TMEM132D: variants seen among roughly 807,000 people sequenced by gnomAD.
TMEM132D encodes the protein mature OL transmembrane protein.
Under a neutral mutation model 62.3 loss-of-function variants are expected in TMEM132D, and 21 were observed. The observed-to-expected ratio is 0.34, with a 90% CI of 0.24 to 0.49. TMEM132D has a LOEUF of 0.49. Ranked by LOEUF, TMEM132D falls within the 20% of genes least tolerant of loss-of-function variation. TMEM132D has a pLI of 0.99. For missense variants in TMEM132D, 1,346 were observed against 1,402.8 expected (o/e 0.96, Z 0.65); for synonymous variants, 621 against 575.6 (o/e 1.08, Z -1.13).
At chr12:129,156,830 T>C (rs1207562740) in intron 5 of TMEM132D, among the ~76,000 whole-genome samples, 1 of 152,076 alleles carries the variant, frequency 6.6e-6, no homozygotes, top group African/African-American at 2.4e-5. Flanking sequence ...ACTCTCAAGA[T>C]AACTAACCCA....
intron 5 of TMEM132D, among the ~76,000 whole-genome samples, chr12:129,189,411 C>A (rs1182759511): frequency 6.6e-6 from 1 of 152,126 alleles, no homozygotes; most frequent in African/African-American, 2.4e-5. Context: ...CTGGCTCAGG[C>A]CTCAGAATCA....
At position 129,903,520 on chromosome 12, in the gene TMEM132D, A is replaced by G; in HGVS notation, c.-181T>C. On this transcript the variant is annotated 5_prime_UTR_variant, in exon 1 of 9. Coordinates refer to ENST00000422113, the MANE Select transcript of TMEM132D (RefSeq NM_133448.3). This position sits in a 1 kb window ranked among gnomAD's most constrained non-coding sequence, Gnocchi z 6.2. ...CAGTCCATGGCCAGGCCGGGAGGCG[A>G]CGACCGCGCGGGCTCCTGAGTTGCT... 1.6e-6 allele frequency: 1 copy of G among 618,316 alleles called. No individual in the cohort carries two copies. The highest frequency in any genetic ancestry group is 2.8e-6 in the Non-Finnish European group (1 of 353,328). 38.3% of individuals were successfully genotyped at this position (618,316 alleles called of 1,614,324 possible).
intron 1 of TMEM132D, among the ~76,000 whole-genome samples, chr12:129,801,586 G>A (rs1395606058): frequency 6.7e-6 from 1 of 150,286 alleles, no homozygotes; most frequent in Non-Finnish European, 1.5e-5. Context: ...CAAAGATGGG[G>A]AAAAAACAGA....
chr12:129,593,904 T>TTCACCCA (rs1023175382), intron 2 of TMEM132D, among the ~76,000 whole-genome samples: 14 of 152,142 alleles, frequency 9.2e-5, no homozygotes, highest in African/African-American at 2.7e-4. Flanking sequence ...TCAGTTACAA[T>TTCACCCA]TCACCCATGC....
In TMEM132D at chr12:129,848,950, C is replaced by T. The variant is rs1763764876; in HGVS notation, c.79+54311G>A. ...TGTTCCCGTTCACACCCTCTTGCCT[C>T]ATCCCAGCCAAGTTGATTTCCCTTC... On this transcript the variant is annotated intron_variant, in intron 1 of 8. Transcript: ENST00000422113. 2.0e-5 allele frequency among the ~76,000 whole-genome samples: 3 copies of T among 152,332 alleles called. No individual in the cohort carries two copies. The South Asian group carries it at 6.2e-4, about 32-fold the overall frequency.
intron 5 of TMEM132D, among the ~76,000 whole-genome samples, chr12:129,200,336 T>C (rs1354944904): frequency 6.6e-6 from 1 of 152,188 alleles, no homozygotes; most frequent in Admixed American, 6.5e-5. Flanking sequence ...AGATACTCCT[T>C]CACTAATCAA....
chr12:129,446,880 G>A lies in TMEM132D; in HGVS notation c.1115+84179C>T, dbSNP rs574345846. On this transcript the variant is annotated intron_variant, in intron 3 of 8. Transcript: ENST00000422113. ...ATCAACTCGCCTGGCCGTGAGACCC[G>A]GCTGGCATTAACTGTCTTTAGGAAA... 2.1e-4 allele frequency among the ~76,000 whole-genome samples: 32 copies of A among 152,296 alleles called. No individual in the cohort carries two copies. In the South Asian group the frequency reaches 2.5e-3, roughly 12 times the overall value.
At chr12:129,506,574 T>C (rs537673969) in intron 3 of TMEM132D, among the ~76,000 whole-genome samples, 2 of 152,310 alleles carry the variant, frequency 1.3e-5, no homozygotes, top group Non-Finnish European at 2.9e-5. Context: ...AGCCAACTGA[T>C]CTTTGACAAA....
chr12:129,452,287 T>C (rs1873317056), intron 3 of TMEM132D, among the ~76,000 whole-genome samples: 1 of 152,210 alleles, frequency 6.6e-6, no homozygotes, highest in Admixed American at 6.5e-5. Context: ...CTGTTAATTG[T>C]GAGGACCACT....
At position 129,273,155 on chromosome 12, in the gene TMEM132D, C is replaced by T. The variant is rs771353662; in HGVS notation, c.1300-63492G>A. 1.3e-5 allele frequency among the ~76,000 whole-genome samples: 2 copies of T among 151,604 alleles called. 1 individual carries two copies. Among genetic ancestry groups the T allele is most frequent in the African/African-American group, 4.9e-5 (2 of 40,970 alleles). On this transcript the variant is annotated intron_variant, in intron 4 of 8. Coordinates refer to ENST00000422113, the MANE Select transcript of TMEM132D (RefSeq NM_133448.3). Reference sequence around the variant, plus strand: ...AGGTTGCAGTGAGCTGAGATTGCGCCCCTGCACGCCAGACTGGGTGACAGA... The same window carrying T: ...AGGTTGCAGTGAGCTGAGATTGCGCTCCTGCACGCCAGACTGGGTGACAGA...
intron 1 of TMEM132D, among the ~76,000 whole-genome samples, chr12:129,785,723 G>A (rs61943432): frequency 0.058 from 8,873 of 152,178 alleles, 299 homozygotes; most frequent in East Asian, 0.1. Flanking sequence ...GTGAGGAAAT[G>A]AATTTCTGTT....
chr12:129,276,021 G>T (rs561353743), intron 4 of TMEM132D, among the ~76,000 whole-genome samples: 3 of 143,804 alleles, frequency 2.1e-5, no homozygotes, highest in Admixed American at 7.2e-5. Flanking sequence ...TTCCAGGCAC[G>T]TGGATGCACA....
At position 129,345,142 on chromosome 12, in the gene TMEM132D, C is replaced by T. The variant is rs184146331; in HGVS notation, c.1116-7325G>A. Among the ~76,000 whole-genome samples, 5 of 152,240 alleles carry T rather than the reference C, an allele frequency of 3.3e-5. No homozygotes were observed. In the East Asian group the frequency reaches 9.7e-4, roughly 29 times the overall value. On this transcript the variant is annotated intron_variant, in intron 3 of 8. Coordinates refer to ENST00000422113, the MANE Select transcript of TMEM132D (RefSeq NM_133448.3). ...CTTCTCATCTAAATCCTCTTCATTT[C>T]CTTTGCCTTATTCGACATTTTTGTT...
At chr12:129,341,970 G>T (rs11060261) in intron 3 of TMEM132D, among the ~76,000 whole-genome samples, 24,256 of 152,078 alleles carry the variant, frequency 0.16, 2,135 homozygotes, top group Non-Finnish European at 0.2. Flanking sequence ...TGGGTAGGAA[G>T]AATCAATATC....
chr12:129,465,119 C>T (rs1455745379), intron 3 of TMEM132D, among the ~76,000 whole-genome samples: 3 of 152,048 alleles, frequency 2.0e-5, no homozygotes, highest in African/African-American at 7.2e-5. Flanking sequence ...AATGTTCTTC[C>T]ATTTGTTTGT....
intron 2 of TMEM132D, among the ~76,000 whole-genome samples, chr12:129,555,669 T>TA: frequency 6.6e-6 from 1 of 152,202 alleles, no homozygotes; most frequent in Non-Finnish European, 1.5e-5. Flanking sequence ...CCAGGCCTTT[T>TA]AAAGTTCTTA....
In TMEM132D at chr12:129,887,625, C is replaced by T. The variant is rs373232944; in HGVS notation, c.79+15636G>A. Among the ~76,000 whole-genome samples, 10 of 152,086 alleles carry T rather than the reference C, an allele frequency of 6.6e-5. No homozygotes were observed. The East Asian group carries it at 1.7e-3, about 26-fold the overall frequency. ...TATAAAATAATAATAATAATAGTTT[C>T]CTTTTCCTATCAAAAATCTCTTTAA... is the stretch of plus-strand genomic sequence containing the variant. On this transcript the variant is annotated intron_variant, in intron 1 of 8. Coordinates refer to ENST00000422113, the MANE Select transcript of TMEM132D (RefSeq NM_133448.3).
At chr12:129,551,853 C>T (rs1386293841) in intron 2 of TMEM132D, among the ~76,000 whole-genome samples, 1 of 152,192 alleles carries the variant, frequency 6.6e-6, no homozygotes, top group Non-Finnish European at 1.5e-5. Flanking sequence ...GTTTGATTAT[C>T]ATCCCCTGAT....
intron 3 of TMEM132D, among the ~76,000 whole-genome samples, chr12:129,365,916 C>T (rs1019192215): frequency 1.5e-4 from 23 of 152,062 alleles, no homozygotes; most frequent in African/African-American, 5.6e-4. Context: ...CTCCTTCCCC[C>T]TGCAATGTCC....
Sources: allele counts gnomAD v4.1 joint callset (sites outside exome capture counted in the v4.1 genomes callset), GRCh38; gene constraint gnomAD v4.1.1; non-coding constraint Gnocchi (gnomAD v3.1); transcripts MANE v1.5; gene names NCBI Gene and HGNC (gene_info 2026-07-23, HGNC 2026-07-21).